The following ELAVL4 variants were observed in gnomAD, a reference collection of about 807,000 sequenced individuals.
The protein encoded by ELAVL4 is ELAV-like protein 4.
In ELAVL4, 1 loss-of-function variant was observed where a neutral mutation model predicts 35.6. The ratio of observed to expected loss-of-function variants is 0.03; its 90% CI spans 0.01 to 0.13. The LOEUF (loss-of-function observed/expected upper bound fraction) is 0.13, where lower values mean the gene tolerates loss of function less well. Among genes scored for constraint, ELAVL4 ranks in the 10% least tolerant of loss-of-function variants. The probability of loss-of-function intolerance (pLI) is 1.00; values close to 1 mark genes in which losing one functional copy is unlikely to be tolerated. For synonymous variants in ELAVL4, 156 were observed against 171.0 expected, an observed-to-expected ratio of 0.91 and a Z score of 0.69; for missense variants, 267 against 464.9, an observed-to-expected ratio of 0.57 and a Z score of 3.91.
intron 1 of ELAVL4, among the ~76,000 whole-genome samples, chr1:50,119,078 A>AAGAAAGAAAGAAAG (rs1166193951): frequency 2.2e-5 from 3 of 137,006 alleles, no homozygotes; most frequent in African/African-American, 8.5e-5. Context: ...GAAAGAAAGA[A>AAGAAAGAAAGAAAG]AGAAAGAAAG....
At chr1:50,156,171 C>A (rs943267895) in intron 2 of ELAVL4, among the ~76,000 whole-genome samples, 1 of 152,224 alleles carries the variant, frequency 6.6e-6, no homozygotes, top group Non-Finnish European at 1.5e-5. Flanking sequence ...AGAATTGAGA[C>A]AGACTTCACT....
chr1:50,101,870 A>G (rs947357586), upstream of ELAVL4, among the ~76,000 whole-genome samples: 3 of 152,250 alleles, frequency 2.0e-5, no homozygotes, highest in Admixed American at 6.5e-5. Flanking sequence ...CTTAGATACT[A>G]TAATTGTCAC....
At chr1:50,115,867 T>A (rs191571159) in intron 1 of ELAVL4, among the ~76,000 whole-genome samples, 2 of 152,162 alleles carry the variant, frequency 1.3e-5, no homozygotes, top group Admixed American at 1.3e-4. Context: ...CTTTTTCTTT[T>A]GACAATGATC....
intron 2 of ELAVL4, chr1:50,174,491 T>G (rs1329336877): frequency 2.0e-5 from 3 of 151,780 alleles, no homozygotes; most frequent in Admixed American, 6.6e-5. Flanking sequence ...TTTGTTTGTT[T>G]TTTTTTTTTT....
intron 2 of ELAVL4, among the ~76,000 whole-genome samples, chr1:50,156,309 C>T (rs1236801275): frequency 6.6e-6 from 1 of 152,186 alleles, no homozygotes; most frequent in African/African-American, 2.4e-5. Flanking sequence ...TTAACCCTAC[C>T]TTCTTTGGAT....
chr1:50,151,742 G>A (rs984588774), intron 2 of ELAVL4, among the ~76,000 whole-genome samples: 3 of 152,108 alleles, frequency 2.0e-5, no homozygotes, highest in Non-Finnish European at 4.4e-5. Context: ...AGGCAGATTC[G>A]CATCTGTCAT....
At chr1:50,199,730 G>GAAAT (rs1644287240) in intron 6 of ELAVL4, among the ~76,000 whole-genome samples, 1 of 148,080 alleles carries the variant, frequency 6.8e-6, no homozygotes, top group Non-Finnish European at 1.5e-5. Context: ...AAGAAAGAAA[G>GAAAT]AAAGAAAAAA....
intron 1 of ELAVL4, among the ~76,000 whole-genome samples, chr1:50,112,617 AG>A (rs1454763839): frequency 6.6e-6 from 1 of 152,160 alleles, no homozygotes; most frequent in African/African-American, 2.4e-5. Flanking sequence ...AATTTTTGAA[AG>A]GGTAAAATTA....
chr1:50,200,283 T>C (rs1644321578), intron 6 of ELAVL4, among the ~76,000 whole-genome samples: 1 of 152,058 alleles, frequency 6.6e-6, no homozygotes, highest in Non-Finnish European at 1.5e-5. Context: ...TTAAGCACTT[T>C]AGGGCCATCT....
At chr1:50,076,506 T>A (rs1473407552) in intron 1 of ELAVL4, among the ~76,000 whole-genome samples, 1 of 152,184 alleles carries the variant, frequency 6.6e-6, no homozygotes, top group Admixed American at 6.5e-5. Context: ...ATAGTATATA[T>A]TGTGTTAGGT....
intron 4 of ELAVL4, among the ~76,000 whole-genome samples, chr1:50,194,774 G>C (rs554177024): frequency 4.1e-4 from 63 of 152,148 alleles, no homozygotes; most frequent in Non-Finnish European, 8.7e-4. Flanking sequence ...GAATTGCTAG[G>C]AGGGCCCCAT....
intron 1 of ELAVL4, among the ~76,000 whole-genome samples, chr1:50,061,137 C>T (rs539368127): frequency 6.6e-6 from 1 of 152,304 alleles, no homozygotes; most frequent in South Asian, 2.1e-4. Flanking sequence ...TGATGCTCTG[C>T]GCTTAACTGT....
At chr1:50,154,601 T>C (rs939908398) in intron 2 of ELAVL4, among the ~76,000 whole-genome samples, 3 of 152,200 alleles carry the variant, frequency 2.0e-5, no homozygotes, top group African/African-American at 7.2e-5. Flanking sequence ...AAATATACAC[T>C]TAGCAATCCC....
chr1:50,102,016 G>A (rs373872091), upstream of ELAVL4, among the ~76,000 whole-genome samples: 60 of 152,268 alleles, frequency 3.9e-4, 1 homozygote, highest in South Asian at 8.7e-3. Flanking sequence ...ATCCAGGTGC[G>A]GTGGCTCACG....
At chr1:50,133,797 G>C (rs1671434124) in intron 1 of ELAVL4, among the ~76,000 whole-genome samples, 1 of 152,096 alleles carries the variant, frequency 6.6e-6, no homozygotes, top group African/African-American at 2.4e-5. Flanking sequence ...GCTATATGAG[G>C]CTATATGAAT....
At chr1:50,126,282 G>A (rs1669900426) in intron 1 of ELAVL4, among the ~76,000 whole-genome samples, 1 of 152,120 alleles carries the variant, frequency 6.6e-6, no homozygotes, top group South Asian at 2.1e-4. Context: ...ACTGGTCTCT[G>A]TCAAAGACTG....
At chr1:50,143,576 G>T (rs1173816560) in intron 1 of ELAVL4, among the ~76,000 whole-genome samples, 6 of 152,166 alleles carry the variant, frequency 3.9e-5, no homozygotes, top group Non-Finnish European at 8.8e-5. Context: ...TTTTTCAAAT[G>T]AGGAAAATGA....
intron 1 of ELAVL4, among the ~76,000 whole-genome samples, chr1:50,076,431 C>T (rs1664768941): frequency 6.6e-6 from 1 of 152,164 alleles, no homozygotes; most frequent in Non-Finnish European, 1.5e-5. Context: ...TGATCTCTTA[C>T]TGTGCTTACT....
chr1:50,136,872 C>T (rs1477417203), intron 1 of ELAVL4, among the ~76,000 whole-genome samples: 1 of 152,132 alleles, frequency 6.6e-6, no homozygotes, highest in Non-Finnish European at 1.5e-5. Context: ...GACAGGTGTA[C>T]AAGAACCCTG....
Sources: gnomAD v4.1 joint callset for allele counts (sites outside exome capture counted in the v4.1 genomes callset) on GRCh38, gnomAD v4.1.1 for gene constraint, MANE v1.5 for transcripts, NCBI Gene and HGNC (gene_info 2026-07-23, HGNC 2026-07-21) for gene names.